Variants in SH3BP5 observed in about 807,000 individuals in gnomAD.
The protein encoded by SH3BP5 is SH3 domain binding protein 5.
Under a neutral mutation model 43.3 loss-of-function variants are expected in SH3BP5, and 22 were observed. That is an observed-to-expected ratio of 0.51 (90% CI 0.36 to 0.73). The LOEUF (loss-of-function observed/expected upper bound fraction) is 0.73. Ranked by LOEUF, SH3BP5 falls within the 30% of genes least tolerant of loss-of-function variation. The pLI, the probability that SH3BP5 is intolerant of heterozygous loss-of-function variation, is 0.00. For missense variants in SH3BP5, 529 were observed against 586.9 expected (o/e 0.90, Z 1.02); for synonymous variants, 255 against 225.8 (o/e 1.13, Z -1.16).
intron 3 of SH3BP5, among the ~76,000 whole-genome samples, chr3:15,296,621 G>A: frequency 6.6e-6 from 1 of 151,082 alleles, no homozygotes; most frequent in East Asian, 1.9e-4. Flanking sequence ...ACCTACATTT[G>A]ACATATCCTT....
chr3:15,324,093 TATA>T (rs1278812022), intron 2 of SH3BP5, among the ~76,000 whole-genome samples: 10 of 152,166 alleles, frequency 6.6e-5, no homozygotes, highest in Non-Finnish European at 1.5e-4. Context: ...GTTTTTTCTT[TATA>T]ATCAACCAAT....
rs946102232 is a variant in SH3BP5 at position 15,319,463 on chromosome 3, T to A, written c.201+11041A>T. Among the ~76,000 whole-genome samples the A allele has an allele frequency of 2.0e-5, 3 of 152,158 alleles. No individual in the cohort carries two copies. In the South Asian group the frequency reaches 6.2e-4, roughly 31 times the overall value. Reference sequence around the variant, plus strand: ...ATAAGCCACTGTCTCTACATCACCATGAGGGTTGCAGTTTTCAAATATGGC... The same window carrying A: ...ATAAGCCACTGTCTCTACATCACCAAGAGGGTTGCAGTTTTCAAATATGGC... On this transcript the variant is annotated intron_variant, in intron 2 of 8. Transcript: ENST00000383791.
At chr3:15,266,711 C>T (rs549852856) in intron 4 of SH3BP5, among the ~76,000 whole-genome samples, 1 of 152,348 alleles carries the variant, frequency 6.6e-6, no homozygotes, top group East Asian at 1.9e-4. Context: ...TTCCAGAGTC[C>T]TCATCAACCC....
chr3:15,329,554 A>C (rs1362269479), intron 2 of SH3BP5, among the ~76,000 whole-genome samples: 1 of 152,222 alleles, frequency 6.6e-6, no homozygotes, highest in Non-Finnish European at 1.5e-5. Context: ...TGGTAACTCC[A>C]GGGCCTACGC....
At chr3:15,265,542 A>ACACACACACACACACACAC (rs1559428215) in intron 4 of SH3BP5, among the ~76,000 whole-genome samples, 4 of 141,356 alleles carry the variant, frequency 2.8e-5, no homozygotes, top group African/African-American at 1.0e-4. Flanking sequence ...ACACACACAC[A>ACACACACACACACACACAC]CACACACACA....
At chr3:15,312,963 G>C (rs1348811286) in intron 2 of SH3BP5, among the ~76,000 whole-genome samples, 2 of 152,172 alleles carry the variant, frequency 1.3e-5, no homozygotes, top group Non-Finnish European at 2.9e-5. Context: ...CTGAAGTAAG[G>C]CTGGGCACAG....
chr3:15,267,079 C>T (rs1559429096), intron 4 of SH3BP5, among the ~76,000 whole-genome samples: 1 of 152,174 alleles, frequency 6.6e-6, no homozygotes, highest in South Asian at 2.1e-4. Context: ...AAACAAGCAT[C>T]CTAGAGTACC....
At chr3:15,331,234 C>T (rs1038937392) in intron 1 of SH3BP5, among the ~76,000 whole-genome samples, 7 of 152,198 alleles carry the variant, frequency 4.6e-5, no homozygotes, top group Non-Finnish European at 4.4e-5. Context: ...TATTCCAAAC[C>T]AATTACTTTA....
At chr3:15,312,220 G>A (rs888586883) in intron 2 of SH3BP5, among the ~76,000 whole-genome samples, 2 of 152,226 alleles carry the variant, frequency 1.3e-5, no homozygotes, top group Non-Finnish European at 1.5e-5. Flanking sequence ...AAGTAGGTGA[G>A]AGAATCCAGC....
chr3:15,332,043 G>A (rs1698623537), intron 1 of SH3BP5: 2 of 611,964 alleles, frequency 3.3e-6, no homozygotes, highest in Non-Finnish European at 2.7e-6. Flanking sequence ...GCTACGGGTC[G>A]GCGGGGGACT....
chr3:15,274,169 C>G (rs1236970600), intron 3 of SH3BP5, among the ~76,000 whole-genome samples: 1 of 151,882 alleles, frequency 6.6e-6, no homozygotes, highest in Non-Finnish European at 1.5e-5. Flanking sequence ...TCACCTGAAC[C>G]CAGGAGGCGG....
At position 15,324,257 on chromosome 3, in the gene SH3BP5, T is replaced by C. The variant is rs148829103; in HGVS notation, c.201+6247A>G. 3.2e-4 allele frequency among the ~76,000 whole-genome samples: 48 copies of C among 152,318 alleles called. 1 individual carries two copies. The highest frequency in any genetic ancestry group is 1.1e-3 in the African/African-American group (46 of 41,574). The stretch of plus-strand genomic sequence containing the variant: ...TGGGGTCTGCAGGCCTCAACTCTGA[T>C]GCCCCCTATTTCAACAAAGCTTTGG... On this transcript the variant is annotated intron_variant, in intron 2 of 8. Transcript: ENST00000383791.
chr3:15,287,797 A>T (rs1282628252), intron 3 of SH3BP5, among the ~76,000 whole-genome samples: 2 of 152,176 alleles, frequency 1.3e-5, no homozygotes, highest in Non-Finnish European at 2.9e-5. Context: ...AATTGTGAGT[A>T]GTGACGTGCG....
chr3:15,305,572 G>A (rs1355277602), intron 2 of SH3BP5, among the ~76,000 whole-genome samples: 2 of 152,156 alleles, frequency 1.3e-5, no homozygotes, highest in Non-Finnish European at 2.9e-5. Flanking sequence ...GAGAGTCACA[G>A]GAAACTTCCA....
At chr3:15,278,155 T>G (rs1697024021) in intron 3 of SH3BP5, among the ~76,000 whole-genome samples, 1 of 152,244 alleles carries the variant, frequency 6.6e-6, no homozygotes. Flanking sequence ...CTTTTTAACT[T>G]GATACTGTTT....
At chr3:15,328,213 G>C (rs1348237341) in intron 2 of SH3BP5, among the ~76,000 whole-genome samples, 1 of 152,090 alleles carries the variant, frequency 6.6e-6, no homozygotes, top group Non-Finnish European at 1.5e-5. Flanking sequence ...GGAAACACCT[G>C]TCTGGTGGCT....
At chr3:15,279,348 C>T (rs1005409713) in intron 3 of SH3BP5, among the ~76,000 whole-genome samples, 1 of 152,050 alleles carries the variant, frequency 6.6e-6, no homozygotes, top group African/African-American at 2.4e-5. Flanking sequence ...TGTATCTACC[C>T]TTAGAGAAAT....
rs578059405 is a variant in SH3BP5 at position 15,338,512 on chromosome 3, G to A, written c.-402+2711C>T. On this transcript the variant is annotated intron_variant, in intron 1 of 8. Transcript: ENST00000408919. Reference sequence around the variant, plus strand: ...CTCTTTCTCCACCAGTGATATTTACGTGGCACTTTAGGTCAGAGGCTGCAA... The same window carrying A: ...CTCTTTCTCCACCAGTGATATTTACATGGCACTTTAGGTCAGAGGCTGCAA... Among the ~76,000 whole-genome samples, 23 of 152,282 alleles carry A rather than the reference G, an allele frequency of 1.5e-4. No individual in the cohort carries two copies. The South Asian group carries it at 2.9e-3, about 19-fold the overall frequency.
intron 2 of SH3BP5, among the ~76,000 whole-genome samples, chr3:15,329,813 G>T (rs1698564183): frequency 6.6e-6 from 1 of 152,150 alleles, no homozygotes; most frequent in South Asian, 2.1e-4. Flanking sequence ...GCTGATGGGT[G>T]GTAAAAGCAA....
Sources: allele counts gnomAD v4.1 joint callset (sites outside exome capture counted in the v4.1 genomes callset), GRCh38; gene constraint gnomAD v4.1.1; transcripts MANE v1.5; gene names NCBI Gene and HGNC (gene_info 2026-07-23, HGNC 2026-07-21).